NRXN1: variants seen among roughly 807,000 people sequenced by gnomAD.
NRXN1 encodes the protein neurexin 1, also known as neurexin-1.
NRXN1 carries 39 observed loss-of-function variants against 150.9 expected under a neutral mutation model. The observed-to-expected ratio is 0.26, with a 90% CI of 0.20 to 0.34. The LOEUF is 0.34. Among genes scored for constraint, NRXN1 ranks in the 10% least tolerant of loss-of-function variants. The pLI, the probability that NRXN1 is intolerant of heterozygous loss-of-function variation, is 1.00. For missense variants in NRXN1, 1,815 were observed against 1,949.9 expected (o/e 0.93, Z 1.30); for synonymous variants, 924 against 757.0 (o/e 1.22, Z -3.62).
At chr2:50,629,532 G>C (rs1344212838) in intron 5 of NRXN1, among the ~76,000 whole-genome samples, 1 of 151,488 alleles carries the variant, frequency 6.6e-6, no homozygotes, top group Non-Finnish European at 1.5e-5. Flanking sequence ...TTGATTTAAG[G>C]GTTGCCTATG....
At chr2:50,823,761 C>A (rs67413472) in intron 5 of NRXN1, among the ~76,000 whole-genome samples, 1 of 151,954 alleles carries the variant, frequency 6.6e-6, no homozygotes, top group Admixed American at 6.6e-5. Flanking sequence ...TTATTTATTG[C>A]TTGATATAAG....
chr2:50,947,986 C>T (rs901810437), intron 2 of NRXN1, among the ~76,000 whole-genome samples: 3 of 151,886 alleles, frequency 2.0e-5, no homozygotes, highest in South Asian at 2.1e-4. Flanking sequence ...GAAACATTTG[C>T]TTATCTCAAA....
chr2:50,243,752 T>G (rs1222072659), intron 17 of NRXN1, among the ~76,000 whole-genome samples: 2 of 151,796 alleles, frequency 1.3e-5, no homozygotes, highest in African/African-American at 4.8e-5. Flanking sequence ...GTGAACCAGC[T>G]AGACTCCACG....
intron 5 of NRXN1, among the ~76,000 whole-genome samples, chr2:50,827,650 C>G (rs1482891779): frequency 6.6e-5 from 10 of 152,204 alleles, no homozygotes; most frequent in African/African-American, 2.2e-4. Flanking sequence ...ATGTTTCTCA[C>G]AGAGGGGGAC....
intron 5 of NRXN1, among the ~76,000 whole-genome samples, chr2:50,683,646 A>AAAAAAAAAATATAT: frequency 0.015 from 230 of 14,872 alleles, 48 homozygotes; most frequent in African/African-American, 0.071. Flanking sequence ...AAAAAAAAAA[A>AAAAAAAAAATATAT]ATATATATAT....
chr2:50,560,503 C>A (rs1029152136), intron 8 of NRXN1, among the ~76,000 whole-genome samples: 3 of 151,838 alleles, frequency 2.0e-5, no homozygotes, highest in Non-Finnish European at 4.4e-5. Flanking sequence ...TGCAATAATG[C>A]AACTATGCAA....
chr2:50,289,825 G>T (rs1191130206), intron 17 of NRXN1, among the ~76,000 whole-genome samples: 1 of 152,024 alleles, frequency 6.6e-6, no homozygotes, highest in African/African-American at 2.4e-5. Flanking sequence ...TGCACAGGAA[G>T]GAAATATGAT....
chr2:50,100,746 T>C (rs186015821), intron 18 of NRXN1, among the ~76,000 whole-genome samples: 34 of 152,212 alleles, frequency 2.2e-4, no homozygotes, highest in Non-Finnish European at 4.6e-4. Flanking sequence ...AGTCATCTCA[T>C]TGAGATAATT....
At chr2:50,301,809 A>G (rs1415127164) in intron 17 of NRXN1, among the ~76,000 whole-genome samples, 1 of 152,216 alleles carries the variant, frequency 6.6e-6, no homozygotes, top group Non-Finnish European at 1.5e-5. Context: ...CCATTCTATT[A>G]GCATGGTGCC....
At chr2:50,324,019 A>G (rs1329114999) in intron 17 of NRXN1, among the ~76,000 whole-genome samples, 1 of 152,234 alleles carries the variant, frequency 6.6e-6, no homozygotes, top group Non-Finnish European at 1.5e-5. Flanking sequence ...CTACGTAAAC[A>G]TATAAAGCTG....
At position 50,251,400 on chromosome 2, in the gene NRXN1, T is replaced by C. The variant is rs143848919; in HGVS notation, c.3365-14430A>G. Among the ~76,000 whole-genome samples the C allele has an allele frequency of 2.3e-3, 345 of 152,234 alleles. 2 individuals are homozygous for C. Among genetic ancestry groups the C allele is most frequent in the Non-Finnish European group, 3.0e-3 (201 of 68,002 alleles). On this transcript the variant is annotated intron_variant, in intron 17 of 22. Coordinates refer to ENST00000401669, the MANE Select transcript of NRXN1 (RefSeq NM_001330078.2). ...GGCTACATAGTATTCCATAGTGTAA[T>C]GTATCACATTTTCTTTATCCGGTCT...
intron 5 of NRXN1, among the ~76,000 whole-genome samples, chr2:50,667,543 T>A (rs1354658973): frequency 6.6e-6 from 1 of 151,990 alleles, no homozygotes; most frequent in African/African-American, 2.4e-5. Flanking sequence ...CAGGATAGAA[T>A]GTAATATAAA....
chr2:50,866,969 A>C lies in NRXN1; in HGVS notation c.832+54900T>G, dbSNP rs1027859117. ...GGTCTGTTTCCATAATACTCTCTTA[A>C]GCTGTTTGCTCCCAATACTCTTTTA... On this transcript the variant is annotated intron_variant, in intron 5 of 22. Coordinates refer to ENST00000401669, the MANE Select transcript of NRXN1 (RefSeq NM_001330078.2). Among the ~76,000 whole-genome samples the C allele has an allele frequency of 9.9e-5, 15 of 151,900 alleles. 1 individual carries two copies. Among genetic ancestry groups the C allele is most frequent in the African/African-American group, 3.1e-4 (13 of 41,404 alleles).
At chr2:50,420,159 G>A (rs987801243) in intron 17 of NRXN1, among the ~76,000 whole-genome samples, 1 of 152,046 alleles carries the variant, frequency 6.6e-6, no homozygotes, top group African/African-American at 2.4e-5. Context: ...GAGGAGAGCA[G>A]AGGTATAAAA....
intron 17 of NRXN1, among the ~76,000 whole-genome samples, chr2:50,398,194 T>C (rs2082165754): frequency 6.6e-6 from 1 of 152,152 alleles, no homozygotes; most frequent in Non-Finnish European, 1.5e-5. Context: ...CTTGTAGAAC[T>C]GTTTAGCAAA....
chr2:49,980,039 T>C (rs1054175650), intron 21 of NRXN1, among the ~76,000 whole-genome samples: 1 of 152,036 alleles, frequency 6.6e-6, no homozygotes, highest in Non-Finnish European at 1.5e-5. Context: ...TTCATTAACA[T>C]TATATCCTAA....
chr2:50,072,341 A>T (rs1696408427), intron 19 of NRXN1, among the ~76,000 whole-genome samples: 1 of 152,140 alleles, frequency 6.6e-6, no homozygotes, highest in Non-Finnish European at 1.5e-5. Flanking sequence ...ATCCTTACTT[A>T]TGTTAATGAT....
intron 17 of NRXN1, among the ~76,000 whole-genome samples, chr2:50,424,185 GA>G (rs1159427761): frequency 1.3e-5 from 1 of 78,216 alleles, no homozygotes; most frequent in Non-Finnish European, 2.5e-5. Flanking sequence ...GGAGGAGGAA[GA>G]GGGGGAGGAG....
At chr2:50,986,388 T>C (rs1396637199) in intron 2 of NRXN1, among the ~76,000 whole-genome samples, 1 of 151,670 alleles carries the variant, frequency 6.6e-6, no homozygotes, top group Admixed American at 6.6e-5. Flanking sequence ...ATACAGAATA[T>C]CCACTGCAAC....
Sources: allele counts gnomAD v4.1 joint callset (sites outside exome capture counted in the v4.1 genomes callset), GRCh38; gene constraint gnomAD v4.1.1; transcripts MANE v1.5; gene names NCBI Gene and HGNC (gene_info 2026-07-23, HGNC 2026-07-21).